Variants in GMDS observed in about 807,000 individuals in gnomAD.
GMDS encodes the protein GDP-mannose 4,6 dehydratase.
Under a neutral mutation model 49.9 loss-of-function variants are expected in GMDS, and 20 were observed. The observed-to-expected ratio is 0.40, with a 90% CI of 0.28 to 0.58. The LOEUF is 0.58. Among genes scored for constraint, GMDS ranks in the 20% least tolerant of loss-of-function variants. The probability of loss-of-function intolerance (pLI) is 0.42; values close to 1 mark genes in which losing one functional copy is unlikely to be tolerated. For synonymous variants in GMDS, 177 were observed against 178.6 expected (o/e 0.99, Z 0.07); for missense variants, 362 against 481.4 (o/e 0.75, Z 2.32).
chr6:2,109,994 T>G (rs189053639), intron 4 of GMDS, among the ~76,000 whole-genome samples: 2 of 152,234 alleles, frequency 1.3e-5, no homozygotes, highest in East Asian at 3.9e-4. Flanking sequence ...GGGTCCAAAA[T>G]AAATAAATGA....
chr6:2,046,329 T>TC (rs1176548499), intron 4 of GMDS, among the ~76,000 whole-genome samples: 1 of 152,230 alleles, frequency 6.6e-6, no homozygotes, highest in Non-Finnish European at 1.5e-5. Flanking sequence ...TAGTGAAATC[T>TC]CTTTTTTGGT....
At position 2,165,963 on chromosome 6, in the gene GMDS, G is replaced by A. The variant is rs530483222; in HGVS notation, c.103-41232C>T. Reference sequence around the variant, plus strand: ...AAATAAAGATAAAAAAAAGAATCAAGGCAAATATTAGAAGAAATCATCTGA... The same window carrying A: ...AAATAAAGATAAAAAAAAGAATCAAAGCAAATATTAGAAGAAATCATCTGA... On this transcript the variant is annotated intron_variant, in intron 1 of 10. Transcript: ENST00000380815. Among the ~76,000 whole-genome samples the A allele has an allele frequency of 9.4e-4, 143 of 152,106 alleles. 1 individual carries two copies. The highest frequency in any genetic ancestry group is 3.4e-3 in the African/African-American group (140 of 41,494).
At chr6:2,148,156 C>T (rs1472674863) in intron 1 of GMDS, among the ~76,000 whole-genome samples, 1 of 152,048 alleles carries the variant, frequency 6.6e-6, no homozygotes, top group African/African-American at 2.4e-5. Context: ...GGGTAAATAA[C>T]TTTTCAAAAG....
chr6:1,729,280 A>G (rs1766705230), intron 8 of GMDS, among the ~76,000 whole-genome samples: 1 of 152,252 alleles, frequency 6.6e-6, no homozygotes, highest in South Asian at 2.1e-4. Context: ...CCTGAAAGTC[A>G]GACTTGGGTC....
intron 7 of GMDS, among the ~76,000 whole-genome samples, chr6:1,852,714 T>G (rs1311506753): frequency 6.6e-6 from 1 of 152,038 alleles, no homozygotes; most frequent in Non-Finnish European, 1.5e-5. Context: ...GGATCCGATT[T>G]TTTTTTTTCC....
intron 1 of GMDS, among the ~76,000 whole-genome samples, chr6:2,238,884 A>G (rs1427959737): frequency 6.6e-6 from 1 of 152,184 alleles, no homozygotes; most frequent in East Asian, 1.9e-4. Flanking sequence ...CACTTCATTC[A>G]TTTGATATGT....
At chr6:1,641,150 G>A (rs1763319439) in intron 9 of GMDS, among the ~76,000 whole-genome samples, 1 of 152,228 alleles carries the variant, frequency 6.6e-6, no homozygotes, top group Non-Finnish European at 1.5e-5. Context: ...CTCACATGCT[G>A]GAGATTGGAC....
At chr6:1,849,578 A>G (rs1757562080) in intron 7 of GMDS, among the ~76,000 whole-genome samples, 1 of 152,254 alleles carries the variant, frequency 6.6e-6, no homozygotes, top group African/African-American at 2.4e-5. Context: ...ATTTGGGAAT[A>G]ACCTGTGAAT....
At chr6:2,001,421 C>A (rs1470982942) in intron 4 of GMDS, among the ~76,000 whole-genome samples, 1 of 152,112 alleles carries the variant, frequency 6.6e-6, no homozygotes, top group Non-Finnish European at 1.5e-5. Flanking sequence ...CAAATAGTTT[C>A]TCTCATTCTG....
intron 4 of GMDS, among the ~76,000 whole-genome samples, chr6:2,024,668 G>C (rs1768474931): frequency 6.6e-6 from 1 of 150,976 alleles, no homozygotes; most frequent in Non-Finnish European, 1.5e-5. Flanking sequence ...AGGAAATGAA[G>C]AAAATTCTAT....
chr6:1,703,130 G>A lies in GMDS; in HGVS notation c.987+23286C>T, dbSNP rs537862412. ...CACATGCAGTGGGTTCCTTGGTGTC[G>A]GCAACTCCTGTGTGAAACAGAGGAG... is the stretch of plus-strand genomic sequence containing the variant. On this transcript the variant is annotated intron_variant, in intron 9 of 10. Transcript: ENST00000380815. Among the ~76,000 whole-genome samples the A allele has an allele frequency of 3.9e-5, 6 of 152,204 alleles. No homozygotes were observed. In the East Asian group the frequency reaches 7.7e-4, roughly 20 times the overall value.
intron 7 of GMDS, among the ~76,000 whole-genome samples, chr6:1,757,829 A>G (rs550538439): frequency 2.0e-5 from 3 of 152,360 alleles, no homozygotes; most frequent in Admixed American, 2.0e-4. Context: ...GTAATATAAA[A>G]TTTTCTATCA....
chr6:1,727,912 C>T (rs1490433763), intron 8 of GMDS, among the ~76,000 whole-genome samples: 1 of 152,106 alleles, frequency 6.6e-6, no homozygotes, highest in African/African-American at 2.4e-5. Flanking sequence ...TTCCCCATGA[C>T]TTTTATATTA....
chr6:1,949,739 G>A (rs1763250123), intron 6 of GMDS, among the ~76,000 whole-genome samples: 1 of 152,072 alleles, frequency 6.6e-6, no homozygotes, highest in South Asian at 2.1e-4. Flanking sequence ...CAACCAGAAA[G>A]GCTACCCAGA....
Position 1,890,990 on chromosome 6 carries a change from T to C in GMDS, c.771+39113A>G, listed in dbSNP as rs571266670. On this transcript the variant is annotated intron_variant, in intron 7 of 10. Coordinates refer to ENST00000380815, the MANE Select transcript of GMDS (RefSeq NM_001500.4). ...TCCCCACTGATTTGTCTGGGTACCA[T>C]TGTTGAAAATCAACCAATTACAAAT... Among the ~76,000 whole-genome samples, 8 of 152,372 alleles carry C rather than the reference T, an allele frequency of 5.3e-5. No individual in the cohort carries two copies. In the East Asian group the frequency reaches 1.2e-3, roughly 22 times the overall value.
chr6:1,668,640 G>A lies in GMDS; in HGVS notation c.988-44100C>T, dbSNP rs1764308314. ...CAGAACTGCTTGACCCTGGGAGTCG[G>A]AGTTTGCAGTAAGCTGAGACCGCAC... On this transcript the variant is annotated intron_variant, in intron 9 of 10. Transcript: ENST00000380815. Among the ~76,000 whole-genome samples, 3 of 152,094 alleles carry A rather than the reference G, an allele frequency of 2.0e-5. No homozygotes were observed. The South Asian group carries it at 6.2e-4, about 32-fold the overall frequency.
chr6:2,125,457 G>T (rs908639409), intron 1 of GMDS, among the ~76,000 whole-genome samples: 1 of 152,112 alleles, frequency 6.6e-6, no homozygotes, highest in African/African-American at 2.4e-5. Flanking sequence ...AGCCAGTCTT[G>T]GTGGCTCGTG....
intron 1 of GMDS, among the ~76,000 whole-genome samples, chr6:2,156,125 A>T (rs1365267697): frequency 2.6e-5 from 4 of 152,150 alleles, no homozygotes; most frequent in Non-Finnish European, 5.9e-5. Flanking sequence ...TCTTGCTTTA[A>T]ATATTTTCAA....
chr6:1,787,631 G>A (rs1304776588), intron 7 of GMDS, among the ~76,000 whole-genome samples: 4 of 152,126 alleles, frequency 2.6e-5, no homozygotes, highest in Admixed American at 1.3e-4. Flanking sequence ...AAAGGAGAGC[G>A]AACAAGTCCT....
Sources: allele counts gnomAD v4.1 joint callset (sites outside exome capture counted in the v4.1 genomes callset), GRCh38; gene constraint gnomAD v4.1.1; transcripts MANE v1.5; gene names NCBI Gene and HGNC (gene_info 2026-07-23, HGNC 2026-07-21).